MPDZ: variants seen among roughly 807,000 people sequenced by gnomAD.
The protein encoded by MPDZ is multiple PDZ domain crumbs cell polarity complex component.
A neutral mutation model predicts 239.1 loss-of-function variants in MPDZ; 234 were observed. The observed-to-expected ratio is 0.98, with a 90% CI of 0.88 to 1.09. The LOEUF (loss-of-function observed/expected upper bound fraction) is 1.09, where lower values mean the gene tolerates loss of function less well. Ranked by LOEUF, MPDZ falls within the 50% of genes least tolerant of loss-of-function variation. The pLI is 0.00. For synonymous variants in MPDZ, 1,048 were observed against 881.3 expected, an observed-to-expected ratio of 1.19 and a Z score of -3.35; for missense variants, 3,175 against 2,510.0, an observed-to-expected ratio of 1.26 and a Z score of -5.66.
chr9:13,256,438 C>T (rs374019392), intron 1 of MPDZ, among the ~76,000 whole-genome samples: 1 of 152,220 alleles, frequency 6.6e-6, no homozygotes. Flanking sequence ...CTACTTTCAA[C>T]ATGCCTTCTT....
At chr9:13,156,777 T>A (rs1231632286) in intron 24 of MPDZ, among the ~76,000 whole-genome samples, 1 of 152,196 alleles carries the variant, frequency 6.6e-6, no homozygotes, top group Non-Finnish European at 1.5e-5. Context: ...AAATTCAAGT[T>A]TATCACTATG....
chr9:13,180,074 T>A (rs1953077683), intron 19 of MPDZ, among the ~76,000 whole-genome samples: 1 of 152,078 alleles, frequency 6.6e-6, no homozygotes, highest in Admixed American at 6.6e-5. Flanking sequence ...AGCCTGCAAT[T>A]TTGTCACTAA....
rs148496615 is a variant in MPDZ, at chr9:13,255,380, C to T, written c.-57-5008G>A. Among the ~76,000 whole-genome samples, 44 of 152,292 alleles carry T rather than the reference C, an allele frequency of 2.9e-4. No homozygotes were observed. The East Asian group carries it at 4.4e-3, about 15-fold the overall frequency. ...GGTAATGTTGATATTTTGCCTTCCT[C>T]CCATGAATTACAAATATCTTAATGG... On this transcript the variant is annotated intron_variant, in intron 1 of 46. Coordinates refer to ENST00000319217, the MANE Select transcript of MPDZ (RefSeq NM_001378778.1).
intron 10 of MPDZ, among the ~76,000 whole-genome samples, chr9:13,211,673 T>G (rs1198406575): frequency 1.3e-5 from 2 of 152,096 alleles, no homozygotes; most frequent in African/African-American, 2.4e-5. Context: ...CAACAAACTG[T>G]AAACAACATA....
At position 13,150,552 on chromosome 9, in the gene MPDZ, C is replaced by A. The variant is rs763612383; in HGVS notation, c.3589G>T (p.Gly1197Cys). ...CCAGGTTTCAAGGTTCCATTTTTGC[C>A]AGCTGGACTATCTTCCAGAACATGT... is the stretch of plus-strand genomic sequence containing the variant. ...IKHVLEDSPA[G>C]KNGTLKPGDR... is the part of the protein sequence containing the mutation. The change falls in exon 25 of 47, where the codon GGC (glycine) becomes TGC (cysteine). Residue 1197 changes from glycine to cysteine, a missense_variant. Transcript: ENST00000319217. The A allele has an allele frequency of 3.2e-6, 5 of 1,576,044 alleles. No homozygotes were observed. In the African/African-American group the frequency reaches 5.5e-5, roughly 17 times the overall value.
At chr9:13,117,165 TCTCC>T (rs1484574849) in intron 39 of MPDZ, among the ~76,000 whole-genome samples, 1 of 152,164 alleles carries the variant, frequency 6.6e-6, no homozygotes, top group Non-Finnish European at 1.5e-5. Flanking sequence ...GTGATCTCTC[TCTCC>T]TTCTAAAAAT....
Position 13,176,271 on chromosome 9 carries a change from A to G in MPDZ, c.2796T>C (p.Asn932=). The G allele has an allele frequency of 6.2e-7, 1 of 1,610,040 alleles. No individual in the cohort carries two copies. Among genetic ancestry groups the G allele is most frequent in the South Asian group, 1.1e-5 (1 of 90,206 alleles). Residue 932 remains asparagine (N), a synonymous_variant, in exon 20 of 47, where the codon AAT becomes AAC. Transcript: ENST00000319217. ...CAATAGCATTTGCAGGTGTGTAGTCATTTATAGTAAAGCCAGAAGCAGGCC... is the reference window on the plus strand; with the variant it reads ...CAATAGCATTTGCAGGTGTGTAGTCGTTTATAGTAAAGCCAGAAGCAGGCC... ...SMGPASGFTI[N]DYTPANAIEQ... is the part of the protein sequence containing the mutation.
intron 46 of MPDZ, among the ~76,000 whole-genome samples, 187 bp from the exon 47 acceptor site, chr9:13,107,298 G>A (rs1049984662): frequency 1.3e-5 from 2 of 152,114 alleles, no homozygotes; most frequent in African/African-American, 4.8e-5. Flanking sequence ...TCTCCTAAAT[G>A]GTTTTAGCAT....
intron 3 of MPDZ, among the ~76,000 whole-genome samples, chr9:13,227,318 T>C (rs926749376): frequency 1.3e-5 from 2 of 152,168 alleles, no homozygotes; most frequent in Non-Finnish European, 2.9e-5. Flanking sequence ...TTTTAAAATC[T>C]ATAGCAGGCA....
At chr9:13,188,572 G>C (rs961071546) in intron 17 of MPDZ, among the ~76,000 whole-genome samples, 1 of 151,856 alleles carries the variant, frequency 6.6e-6, no homozygotes, top group Admixed American at 6.6e-5. Flanking sequence ...TAAGTTAGAA[G>C]TTTATTTATA....
At chr9:13,116,472 G>A (rs1943465596) in intron 39 of MPDZ, among the ~76,000 whole-genome samples, 2 of 152,172 alleles carry the variant, frequency 1.3e-5, no homozygotes, top group Non-Finnish European at 2.9e-5. Context: ...ACAAAGGGAT[G>A]TGTTATTCTG....
chr9:13,271,041 C>T (rs187596628), intron 1 of MPDZ, among the ~76,000 whole-genome samples: 106 of 152,274 alleles, frequency 7.0e-4, no homozygotes, highest in Non-Finnish European at 8.5e-4. Flanking sequence ...TGCTTAAACT[C>T]TTCATACGGT....
Position 13,247,621 on chromosome 9 carries a change from G to C in MPDZ, c.183+14C>G, listed in dbSNP as rs754007227. On this transcript the variant is annotated intron_variant, in intron 3 of 46. Coordinates refer to ENST00000319217, the MANE Select transcript of MPDZ (RefSeq NM_001378778.1). ...CCATGTCGTGAATGCCTGCTTGGGT[G>C]AATGATGTCCTACCTGGTCTTTCAG... is the stretch of plus-strand genomic sequence containing the variant. The C allele has an allele frequency of 6.2e-7, 1 of 1,600,834 alleles. No individual in the cohort carries two copies. The highest frequency in any genetic ancestry group is 8.5e-7 in the Non-Finnish European group (1 of 1,169,926).
chr9:13,138,198 C>T (rs1005825490), intron 28 of MPDZ, 45 bp from the exon 29 acceptor site: 2 of 1,470,608 alleles, frequency 1.4e-6, no homozygotes, highest in Non-Finnish European at 1.8e-6. Flanking sequence ...AGTTAATTTA[C>T]AGTCAAATGC....
Position 13,222,388 on chromosome 9 carries a change from G to C in MPDZ, c.592C>G (p.Gln198Glu). The part of the protein sequence containing the change: ...ILAINGQALD[Q>E]TITHQQAISI... The stretch of plus-strand genomic sequence containing the variant: ...ATAGCCTGCTGATGTGTAATTGTCT[G>C]ATCAAGAGCCTGTCCATTGATAGCA... The change falls in exon 6 of 47, where the codon CAG becomes GAG. Residue 198 changes from glutamine to glutamate, a missense_variant. Coordinates refer to ENST00000319217, the MANE Select transcript of MPDZ (RefSeq NM_001378778.1). 6.2e-7 allele frequency: 1 copy of C among 1,612,832 alleles called. No homozygotes were observed. Among genetic ancestry groups the C allele is most frequent in the Non-Finnish European group, 8.5e-7 (1 of 1,179,258 alleles).
chr9:13,234,959 G>C (rs1466217813), intron 3 of MPDZ, among the ~76,000 whole-genome samples: 1 of 152,052 alleles, frequency 6.6e-6, no homozygotes, highest in Non-Finnish European at 1.5e-5. Context: ...AGGATGCTGA[G>C]AGCATTCAAT....
At chr9:13,147,475 T>C (rs1948586153) in intron 26 of MPDZ, 73 bp downstream of exon 26, 12 of 1,101,230 alleles carry the variant, frequency 1.1e-5, no homozygotes, top group Non-Finnish European at 1.5e-5. Flanking sequence ...ACAGACAACT[T>C]GGCCCTTGAT....
At chr9:13,151,961 G>A (rs561528711) in intron 24 of MPDZ, among the ~76,000 whole-genome samples, 1 of 152,018 alleles carries the variant, frequency 6.6e-6, no homozygotes, top group Non-Finnish European at 1.5e-5. Context: ...ATGTATTTCT[G>A]AAAATGATTT....
At chr9:13,109,169 C>G in intron 45 of MPDZ, 110 bp from the exon 46 acceptor site, 2 of 900,596 alleles carry the variant, frequency 2.2e-6, no homozygotes, top group Non-Finnish European at 2.9e-6. Context: ...CTCTTTGTTA[C>G]TGACAAGGAG....
Sources: gnomAD v4.1 joint callset for allele counts (sites outside exome capture counted in the v4.1 genomes callset) on GRCh38, gnomAD v4.1.1 for gene constraint, MANE v1.5 for transcripts, NCBI Gene and HGNC (gene_info 2026-07-23, HGNC 2026-07-21) for gene names.